Variants in CTIF observed in about 807,000 individuals in gnomAD.
CTIF encodes CBP80/20-dependent translation initiation factor.
CTIF carries 21 observed loss-of-function variants against 66.0 expected under a neutral mutation model. The observed-to-expected ratio is 0.32, with a 90% CI of 0.23 to 0.46. The LOEUF (loss-of-function observed/expected upper bound fraction) is 0.46. Ranked by LOEUF, CTIF falls within the 20% of genes least tolerant of loss-of-function variation. The pLI is 1.00. For synonymous variants in CTIF, 345 were observed against 326.4 expected (o/e 1.06, Z -0.62); for missense variants, 739 against 812.7 (o/e 0.91, Z 1.10).
chr18:48,737,769 A>G (rs2092516884), intron 7 of CTIF, among the ~76,000 whole-genome samples: 1 of 152,276 alleles, frequency 6.6e-6, no homozygotes, highest in Non-Finnish European at 1.5e-5. Flanking sequence ...TTTATGGGAC[A>G]CAGGGGAGTT....
rs2091390168 is a variant in CTIF, at chr18:48,663,921, G to A, written c.326+96G>A. ...ATGAACGCTGATGGTTCATGAGCAA[G>A]AGGCAGAGAGAAGCAGAGTAGGGGA... On this transcript the variant is annotated intron_variant, in intron 4 of 11. Transcript: ENST00000256413. 4 of 1,127,014 alleles carry A rather than the reference G, an allele frequency of 3.5e-6. No homozygotes were observed. The East Asian group carries it at 7.0e-5, about 20-fold the overall frequency. 69.8% of individuals were successfully genotyped at this position (1,127,014 alleles called of 1,614,324 possible).
intron 1 of CTIF, among the ~76,000 whole-genome samples, chr18:48,559,044 C>T (rs568686902): frequency 9.2e-5 from 14 of 152,192 alleles, no homozygotes; most frequent in Non-Finnish European, 2.1e-4. Flanking sequence ...AGAATATCCT[C>T]TCCCGTCTTG....
chr18:48,582,107 G>T (rs2089670570), intron 1 of CTIF, among the ~76,000 whole-genome samples: 1 of 152,070 alleles, frequency 6.6e-6, no homozygotes, highest in Non-Finnish European at 1.5e-5. Context: ...AGGCGTGGTG[G>T]GGTGTGGGGG....
chr18:48,575,735 T>A (rs2089516952), intron 1 of CTIF, among the ~76,000 whole-genome samples: 1 of 152,206 alleles, frequency 6.6e-6, no homozygotes, highest in African/African-American at 2.4e-5. Flanking sequence ...CCGGATGCCT[T>A]TTGATGAAGG....
At chr18:48,669,741 A>G (rs2091491118) in intron 5 of CTIF, among the ~76,000 whole-genome samples, 1 of 145,286 alleles carries the variant, frequency 6.9e-6, no homozygotes, top group African/African-American at 2.5e-5. Flanking sequence ...AGATAATAAT[A>G]CATACACAAG....
chr18:48,569,059 T>C (rs1462394279), intron 1 of CTIF, among the ~76,000 whole-genome samples: 1 of 152,208 alleles, frequency 6.6e-6, no homozygotes, highest in African/African-American at 2.4e-5. Context: ...TGGCTCTGTC[T>C]GTGTCCCAGC....
intron 7 of CTIF, among the ~76,000 whole-genome samples, chr18:48,757,667 C>T (rs57708417): frequency 0.036 from 5,520 of 152,162 alleles, 342 homozygotes; most frequent in African/African-American, 0.13. Context: ...TTCTAGTAAG[C>T]GAATAAAGTA....
At chr18:48,657,276 A>C (rs925888121) in intron 3 of CTIF, among the ~76,000 whole-genome samples, 1 of 152,268 alleles carries the variant, frequency 6.6e-6, no homozygotes, top group Non-Finnish European at 1.5e-5. Context: ...TGCAATAAAA[A>C]TTTCAACATC....
chr18:48,581,594 T>A (rs2143816038), intron 1 of CTIF, among the ~76,000 whole-genome samples: 1 of 152,246 alleles, frequency 6.6e-6, no homozygotes, highest in East Asian at 1.9e-4. Flanking sequence ...TCTCTGCTGG[T>A]AAAGATGTCT....
At position 48,808,819 on chromosome 18, in the gene CTIF, C is replaced by G. The variant is rs941403898; in HGVS notation, c.1372-8402C>G. ...TAAGGATAAGTTAAGAGTAGTGTAA[C>G]TCTTTCCAATGTTGTTTTGTTTTTA... On this transcript the variant is annotated intron_variant, in intron 9 of 11. Coordinates refer to ENST00000256413, the MANE Select transcript of CTIF (RefSeq NM_014772.3). 2.0e-5 allele frequency among the ~76,000 whole-genome samples: 3 copies of G among 152,222 alleles called. No individual in the cohort carries two copies. In the South Asian group the frequency reaches 6.2e-4, roughly 31 times the overall value.
intron 10 of CTIF, among the ~76,000 whole-genome samples, chr18:48,829,443 G>A (rs1469221936): frequency 6.6e-6 from 1 of 152,186 alleles, no homozygotes; most frequent in Non-Finnish European, 1.5e-5. Context: ...GCAAAAAATG[G>A]CCATCAGTTA....
chr18:48,539,068 A>T lies in CTIF; in HGVS notation c.-273A>T, dbSNP rs1227980888. On this transcript the variant is annotated 5_prime_UTR_variant, in exon 1 of 12. Coordinates refer to ENST00000256413, the MANE Select transcript of CTIF (RefSeq NM_014772.3). ...TCTCTTTCCCTGTGTCAGATCAGGG[A>T]TCATTTTTTTTCCTTCCTCTACTCC... The T allele has an allele frequency of 6.6e-6, 1 of 152,044 alleles. No individual in the cohort carries two copies. Among genetic ancestry groups the T allele is most frequent in the East Asian group, 1.9e-4 (1 of 5,160 alleles). The allele number at this position is 152,044 out of a possible 1,614,324, so 9.4% of individuals were successfully genotyped here. A position where few individuals can be genotyped will look rare whatever the true frequency, so the allele number is the denominator to read the frequency against.
chr18:48,735,730 C>T (rs1032405316), intron 7 of CTIF, among the ~76,000 whole-genome samples: 1 of 152,114 alleles, frequency 6.6e-6, no homozygotes, highest in South Asian at 2.1e-4. Flanking sequence ...ATTAAGTTTC[C>T]CCCATCAAAA....
At chr18:48,566,762 T>TA (rs146950533) in intron 1 of CTIF, 11,102 of 152,196 alleles carry the variant, frequency 0.073, 480 homozygotes, top group South Asian at 0.1. Flanking sequence ...AAGGAAGGGA[T>TA]GCTTTGGAAA....
chr18:48,606,927 C>T (rs372989842), intron 1 of CTIF, among the ~76,000 whole-genome samples: 2 of 151,954 alleles, frequency 1.3e-5, no homozygotes, highest in Admixed American at 6.6e-5. Context: ...GCACAGGGGC[C>T]GGCACATACT....
intron 10 of CTIF, among the ~76,000 whole-genome samples, chr18:48,831,162 C>A (rs556453369): frequency 6.6e-6 from 1 of 152,316 alleles, no homozygotes; most frequent in East Asian, 1.9e-4. Flanking sequence ...AAAGAAACAC[C>A]CCCCATCACC....
intron 1 of CTIF, among the ~76,000 whole-genome samples, chr18:48,615,696 A>G (rs920979640): frequency 6.6e-6 from 1 of 152,218 alleles, no homozygotes; most frequent in Admixed American, 6.5e-5. Context: ...CTAGCTCCTC[A>G]TACTCCGGGT....
At chr18:48,638,988 A>T (rs1016320521) in intron 3 of CTIF, among the ~76,000 whole-genome samples, 1 of 152,212 alleles carries the variant, frequency 6.6e-6, no homozygotes, top group Non-Finnish European at 1.5e-5. Flanking sequence ...TGGCCGACTG[A>T]TCATCTCAGA....
chr18:48,649,008 C>G (rs933286722), intron 3 of CTIF, among the ~76,000 whole-genome samples: 1 of 152,142 alleles, frequency 6.6e-6, no homozygotes, highest in Non-Finnish European at 1.5e-5. Flanking sequence ...CAAATAGGAA[C>G]AGCTCTGGTC....
Sources: gnomAD v4.1 joint callset for allele counts (sites outside exome capture counted in the v4.1 genomes callset) on GRCh38, gnomAD v4.1.1 for gene constraint, MANE v1.5 for transcripts, NCBI Gene and HGNC (gene_info 2026-07-23, HGNC 2026-07-21) for gene names.